HYDIN: variants seen among roughly 807,000 people sequenced by gnomAD.
HYDIN encodes axonemal central pair apparatus protein HYDIN.
A neutral mutation model predicts 403.9 loss-of-function variants in HYDIN; 132 were observed. The observed-to-expected ratio is 0.33, with a 90% CI of 0.28 to 0.38. The LOEUF (loss-of-function observed/expected upper bound fraction) is 0.38, where lower values mean the gene tolerates loss of function less well. Ranked by LOEUF, HYDIN falls within the 10% of genes least tolerant of loss-of-function variation. HYDIN has a pLI of 1.00. For missense variants in HYDIN, 2,827 were observed against 5,009.5 expected (o/e 0.56, Z 13.15); for synonymous variants, 1,202 against 1,891.7 (o/e 0.64, Z 9.46).
At chr16:71,156,270 C>G (rs1020633974) in intron 6 of HYDIN, among the ~76,000 whole-genome samples, 1 of 152,148 alleles carries the variant, frequency 6.6e-6, no homozygotes, top group African/African-American at 2.4e-5. Flanking sequence ...TTAGGTTACA[C>G]AAACTTCTTC....
chr16:70,934,400 A>T (rs1567859040), intron 45 of HYDIN, among the ~76,000 whole-genome samples: 1 of 152,166 alleles, frequency 6.6e-6, no homozygotes, highest in South Asian at 2.1e-4. Context: ...GAAGAGCTGA[A>T]GCCAGAGCAG....
intron 3 of HYDIN, among the ~76,000 whole-genome samples, chr16:71,183,405 A>G (rs1354485179): frequency 6.6e-6 from 1 of 152,184 alleles, no homozygotes; most frequent in Non-Finnish European, 1.5e-5. Context: ...AAAATACTTG[A>G]TAATTCAAGA....
chr16:70,859,209 G>A (rs1300144985), intron 71 of HYDIN, among the ~76,000 whole-genome samples: 1 of 152,118 alleles, frequency 6.6e-6, no homozygotes, highest in Non-Finnish European at 1.5e-5. Flanking sequence ...GCTGAGTCAG[G>A]AGAATAGCGT....
At chr16:71,199,373 T>C (rs1298814847) in intron 1 of HYDIN, among the ~76,000 whole-genome samples, 1 of 152,160 alleles carries the variant, frequency 6.6e-6, no homozygotes, top group Admixed American at 6.5e-5. Context: ...CCCAAAGAGA[T>C]GGGGGTTCAC....
At chr16:70,831,244 T>C (rs2036962456) in intron 80 of HYDIN, among the ~76,000 whole-genome samples, 1 of 151,800 alleles carries the variant, frequency 6.6e-6, no homozygotes, top group African/African-American at 2.4e-5. Context: ...GCTTGGTGGC[T>C]CATGCCTGAA....
chr16:70,875,243 A>G (rs2040377138), intron 62 of HYDIN, among the ~76,000 whole-genome samples: 1 of 150,586 alleles, frequency 6.6e-6, no homozygotes, highest in Non-Finnish European at 1.5e-5. Context: ...TATAAAATAT[A>G]CGCTAGGCCA....
At chr16:71,017,303 T>G (rs1429617577) in intron 23 of HYDIN, among the ~76,000 whole-genome samples, 1 of 146,000 alleles carries the variant, frequency 6.8e-6, no homozygotes, top group Admixed American at 7.0e-5. Context: ...TGAGCCCAGA[T>G]AGCGCCACTG....
rs184236169 is a variant in HYDIN, at chr16:71,219,522, T to C, written c.-24+11040A>G. ...CCCTTTAAGAATATAGGATCTAACA[T>C]AGGATATGCTGGTTTATTTGAACCA... On this transcript the variant is annotated intron_variant, in intron 1 of 85. Coordinates refer to ENST00000393567, the MANE Select transcript of HYDIN (RefSeq NM_001270974.2). Among the ~76,000 whole-genome samples the C allele has an allele frequency of 4.6e-5, 7 of 152,280 alleles. No individual in the cohort carries two copies. The East Asian group carries it at 9.6e-4, about 21-fold the overall frequency.
intron 10 of HYDIN, among the ~76,000 whole-genome samples, chr16:71,101,669 C>A (rs1411314009): frequency 6.6e-6 from 1 of 151,986 alleles, no homozygotes; most frequent in Non-Finnish European, 1.5e-5. Flanking sequence ...AGTGGAGGAG[C>A]AAAATTTTAA....
chr16:70,922,369 G>T (rs2143819304), intron 45 of HYDIN, among the ~76,000 whole-genome samples: 2 of 152,362 alleles, frequency 1.3e-5, no homozygotes, highest in South Asian at 2.1e-4. Flanking sequence ...AGCAGCTGGA[G>T]GCTAGCAGTA....
chr16:71,208,509 A>G (rs999055725), intron 1 of HYDIN, among the ~76,000 whole-genome samples: 1 of 152,232 alleles, frequency 6.6e-6, no homozygotes, highest in Non-Finnish European at 1.5e-5. Context: ...AAGAAGCAAG[A>G]GCAAACCAAC....
chr16:70,807,591 T>C lies in HYDIN; in HGVS notation c.15355A>G (p.Ile5119Val). 6.2e-7 allele frequency: 1 copy of C among 1,611,012 alleles called. No individual in the cohort carries two copies. The highest frequency in any genetic ancestry group is 1.7e-4 in the Middle Eastern group (1 of 6,048). The change falls in exon 86 of 86, where the codon ATC becomes GTC. Residue 5119 changes from isoleucine (I) to valine (V), a missense_variant. Ile to Val is a conservative substitution (Grantham distance 29). Transcript: ENST00000393567. Reference sequence around the variant, plus strand: ...AACCCTGGTTACCACTAAAGGGTGATCCCCTTCAGATAATAAACCCATTTA... The same window carrying C: ...AACCCTGGTTACCACTAAAGGGTGACCCCCTTCAGATAATAAACCCATTTA... ...GVKWVYYLKG[I>V]TL
chr16:71,213,681 T>C (rs977635623), intron 1 of HYDIN, among the ~76,000 whole-genome samples: 2 of 151,534 alleles, frequency 1.3e-5, no homozygotes, highest in Admixed American at 6.6e-5. Flanking sequence ...ACAAAAATTA[T>C]ATATAGCCTC....
At chr16:71,227,587 C>T (rs1334085038) in intron 1 of HYDIN, among the ~76,000 whole-genome samples, 1 of 152,034 alleles carries the variant, frequency 6.6e-6, no homozygotes, top group Admixed American at 6.5e-5. Flanking sequence ...GAATAAAATA[C>T]CTAGGAATCC....
intron 3 of HYDIN, among the ~76,000 whole-genome samples, chr16:71,180,334 G>C (rs552295621): frequency 6.6e-6 from 1 of 151,920 alleles, no homozygotes; most frequent in African/African-American, 2.4e-5. Context: ...CAGAACATCT[G>C]AATAGTTCTA....
chr16:71,227,822 T>C (rs1015369493), intron 1 of HYDIN, among the ~76,000 whole-genome samples: 1 of 152,162 alleles, frequency 6.6e-6, no homozygotes, highest in Non-Finnish European at 1.5e-5. Context: ...TTAAAGTTCA[T>C]ATGGAACCAA....
chr16:71,081,028 C>T (rs960164764), intron 12 of HYDIN: 2 of 151,456 alleles, frequency 1.3e-5, no homozygotes, highest in Non-Finnish European at 3.0e-5. Context: ...GAAACACAGC[C>T]CTGCCAACAC....
At chr16:70,940,792 G>A (rs2077647056) in intron 43 of HYDIN, among the ~76,000 whole-genome samples, 1 of 152,182 alleles carries the variant, frequency 6.6e-6, no homozygotes, top group Admixed American at 6.5e-5. Context: ...TCCTTAATTG[G>A]AAAAGCATTA....
intron 23 of HYDIN, among the ~76,000 whole-genome samples, chr16:71,012,361 A>G (rs1057449632): frequency 6.6e-6 from 1 of 152,234 alleles, no homozygotes; most frequent in Non-Finnish European, 1.5e-5. Flanking sequence ...ACCATGGTTG[A>G]CCCAGCTTCC....
Sources: gnomAD v4.1 joint callset for allele counts (sites outside exome capture counted in the v4.1 genomes callset) on GRCh38, gnomAD v4.1.1 for gene constraint, MANE v1.5 for transcripts, NCBI Gene and HGNC (gene_info 2026-07-23, HGNC 2026-07-21) for gene names.